Variants in NRG1 observed in about 807,000 individuals in gnomAD.
NRG1 encodes the protein pro-neuregulin-1, membrane-bound isoform.
Under a neutral mutation model 63.8 loss-of-function variants are expected in NRG1, and 18 were observed. The observed-to-expected ratio is 0.28, with a 90% CI of 0.19 to 0.42. NRG1 has a LOEUF of 0.42. Among genes scored for constraint, NRG1 ranks in the 10% least tolerant of loss-of-function variants. The pLI is 1.00. For missense variants in NRG1, 762 were observed against 814.7 expected (o/e 0.94, Z 0.79); for synonymous variants, 302 against 301.3 (o/e 1.00, Z -0.02).
intron 1 of NRG1, among the ~76,000 whole-genome samples, chr8:31,789,504 A>T (rs1820486849): frequency 6.6e-6 from 1 of 152,184 alleles, no homozygotes; most frequent in Non-Finnish European, 1.5e-5. Flanking sequence ...GAGAGCTGTC[A>T]CACGTGGAGG....
chr8:31,958,109 TTGTG>T (rs558121293), intron 1 of NRG1, among the ~76,000 whole-genome samples: 1 of 127,824 alleles, frequency 7.8e-6, no homozygotes, highest in Non-Finnish European at 1.8e-5. Flanking sequence ...GCAGAGATGT[TTGTG>T]TGTGTGTTTG....
At chr8:32,353,295 TAATA>T (rs990089565) in intron 1 of NRG1, among the ~76,000 whole-genome samples, 3 of 150,540 alleles carry the variant, frequency 2.0e-5, no homozygotes, top group Non-Finnish European at 4.4e-5. Context: ...AATAAAATAA[TAATA>T]AATAAGAAAA....
rs774795552 is a variant in NRG1, at chr8:32,570,271, C to G, written c.100+21445C>G. 3.9e-5 allele frequency among the ~76,000 whole-genome samples: 6 copies of G among 152,084 alleles called. No homozygotes were observed. The South Asian group carries it at 6.2e-4, about 16-fold the overall frequency. The stretch of plus-strand genomic sequence containing the variant: ...TGTTCTGCTGTTTCTTTTTTAAAAA[C>G]CTTTTATTTTAGGTCTTATAGGAAG... On this transcript the variant is annotated intron_variant, in intron 1 of 11. Coordinates refer to ENST00000356819, the Ensembl canonical transcript of NRG1.
At chr8:32,745,982 G>C (rs1387316417) in intron 7 of NRG1, among the ~76,000 whole-genome samples, 1 of 152,142 alleles carries the variant, frequency 6.6e-6, no homozygotes, top group Non-Finnish European at 1.5e-5. Context: ...TCCATCATTT[G>C]CATGGATTTC....
At chr8:32,381,868 C>G (rs1039296249) in intron 1 of NRG1, among the ~76,000 whole-genome samples, 2 of 152,094 alleles carry the variant, frequency 1.3e-5, no homozygotes, top group African/African-American at 4.8e-5. Context: ...TTAGTATAAG[C>G]AGTTAAAACT....
intron 7 of NRG1, chr8:32,749,525 T>G (rs771779345): frequency 6.2e-7 from 1 of 1,612,570 alleles, no homozygotes; most frequent in Middle Eastern, 1.7e-4. Context: ...CTTTTTCCCT[T>G]TCTTTCTTTT....
intron 1 of NRG1, among the ~76,000 whole-genome samples, chr8:31,738,083 G>T (rs1315342846): frequency 6.6e-6 from 1 of 152,138 alleles, no homozygotes; most frequent in Non-Finnish European, 1.5e-5. Context: ...CCATATGGCA[G>T]TGAGCAGATT....
intron 3 of NRG1, 65 bp from the exon 4 acceptor site, chr8:32,614,449 G>A (rs1364846377): frequency 2.0e-6 from 3 of 1,514,892 alleles, no homozygotes; most frequent in Non-Finnish European, 1.8e-6. Flanking sequence ...TCCAAGGCAG[G>A]CTGTGGTACC....
chr8:31,672,502 C>G (rs530899376), intron 1 of NRG1, among the ~76,000 whole-genome samples: 127 of 152,200 alleles, frequency 8.3e-4, no homozygotes, highest in Non-Finnish European at 1.4e-3. Flanking sequence ...GGTTCTTGAA[C>G]AAGAGCTGTT....
chr8:32,611,921 A>G (rs1846430729), intron 3 of NRG1, among the ~76,000 whole-genome samples: 1 of 152,130 alleles, frequency 6.6e-6, no homozygotes, highest in South Asian at 2.1e-4. Flanking sequence ...ATTCATAATA[A>G]TTAGAAAAAT....
At chr8:32,435,361 C>T (rs1301178541) in intron 1 of NRG1, among the ~76,000 whole-genome samples, 1 of 152,152 alleles carries the variant, frequency 6.6e-6, no homozygotes, top group Non-Finnish European at 1.5e-5. Flanking sequence ...TTTAGCCAAA[C>T]TGAAGGAAGG....
At chr8:31,695,879 G>A (rs1810012391) in intron 1 of NRG1, among the ~76,000 whole-genome samples, 1 of 151,976 alleles carries the variant, frequency 6.6e-6, no homozygotes, top group South Asian at 2.1e-4. Context: ...AATATAAGAA[G>A]CTTAGAATTG....
intron 1 of NRG1, among the ~76,000 whole-genome samples, chr8:31,704,080 T>C (rs887527311): frequency 5.3e-5 from 8 of 152,186 alleles, no homozygotes. Flanking sequence ...GTTTCCTTTC[T>C]CTGACACATA....
chr8:32,284,055 A>G (rs1365682408), intron 1 of NRG1, among the ~76,000 whole-genome samples: 1 of 152,158 alleles, frequency 6.6e-6, no homozygotes, highest in Non-Finnish European at 1.5e-5. Context: ...GGGCCACTTT[A>G]TGTTAACAAA....
chr8:32,636,517 A>G (rs755107476), intron 5 of NRG1, among the ~76,000 whole-genome samples: 5 of 152,214 alleles, frequency 3.3e-5, no homozygotes, highest in Admixed American at 6.5e-5. Flanking sequence ...TGTGTTCAGA[A>G]TGGGAGCGTC....
At chr8:31,852,849 C>G (rs80212955) in intron 1 of NRG1, among the ~76,000 whole-genome samples, 8,925 of 152,260 alleles carry the variant, frequency 0.059, 321 homozygotes, top group Admixed American at 0.12. Flanking sequence ...TTTCCCAGCA[C>G]CATTTATTAA....
intron 1 of NRG1, among the ~76,000 whole-genome samples, chr8:32,398,012 A>C (rs1202507401): frequency 6.6e-6 from 1 of 152,148 alleles, no homozygotes. Context: ...TATTCTGTGA[A>C]GTATTTGGTT....
intron 1 of NRG1, among the ~76,000 whole-genome samples, chr8:32,196,817 G>C (rs1186361045): frequency 6.6e-6 from 1 of 151,756 alleles, no homozygotes; most frequent in Admixed American, 6.6e-5. Flanking sequence ...TCCTCTTATA[G>C]TCTAGCATGA....
At chr8:32,390,083 T>G (rs1811533702) in intron 1 of NRG1, among the ~76,000 whole-genome samples, 1 of 152,022 alleles carries the variant, frequency 6.6e-6, no homozygotes, top group Non-Finnish European at 1.5e-5. Flanking sequence ...TGTTCGTCAT[T>G]TTTTTCCCTC....
Sources: gnomAD v4.1 joint callset for allele counts (sites outside exome capture counted in the v4.1 genomes callset) on GRCh38, gnomAD v4.1.1 for gene constraint, MANE v1.5 for transcripts, NCBI Gene and HGNC (gene_info 2026-07-23, HGNC 2026-07-21) for gene names.